Variants in SARS1 observed in about 807,000 individuals in gnomAD.
SARS1 encodes serine--tRNA ligase, cytoplasmic.
A neutral mutation model predicts 63.7 loss-of-function variants in SARS1; 25 were observed. The observed-to-expected ratio is 0.39, with a 90% CI of 0.29 to 0.55. SARS1 has a LOEUF of 0.55. Among genes scored for constraint, SARS1 ranks in the 20% least tolerant of loss-of-function variants. SARS1 has a pLI of 0.62. For synonymous variants in SARS1, 231 were observed against 243.5 expected (o/e 0.95, Z 0.48); for missense variants, 417 against 649.7 (o/e 0.64, Z 3.89).
Position 109,231,717 on chromosome 1 carries a change from C to A in SARS1, c.678C>A (p.Pro226=). ...GGGGCTACATTCCCATTTATACCCCCTTTTTCATGAGGAAGGAGGTCATGC... is the reference window on the plus strand; with the variant it reads ...GGGGCTACATTCCCATTTATACCCCATTTTTCATGAGGAAGGAGGTCATGC... ...GSRGYIPIYT[P]FFMRKEVMQE... is the part of the protein sequence containing the mutation. The change falls in exon 6 of 11, where the codon CCC becomes CCA. Residue 226 remains proline, a synonymous_variant. Coordinates refer to ENST00000234677, the MANE Select transcript of SARS1 (RefSeq NM_006513.4). 1 of 1,599,024 alleles carries A rather than the reference C, an allele frequency of 6.3e-7. No individual in the cohort carries two copies. The highest frequency in any genetic ancestry group is 8.5e-7 in the Non-Finnish European group (1 of 1,173,524).
At chr1:109,234,540 G>A (rs1655272252) in intron 6 of SARS1, among the ~76,000 whole-genome samples, 1 of 152,068 alleles carries the variant, frequency 6.6e-6, no homozygotes, top group African/African-American at 2.4e-5. Flanking sequence ...AGAGACTGGT[G>A]TCCCTTTTTG....
chr1:109,236,000 A>C lies in SARS1; in HGVS notation c.993A>C (p.Ser331=), dbSNP rs1655299279. 6.2e-7 allele frequency: 1 copy of C among 1,612,020 alleles called. No individual in the cohort carries two copies. The highest frequency in any genetic ancestry group is 8.5e-7 in the Non-Finnish European group (1 of 1,179,074). ...FEKIEQFVYS[S]PHDNKSWEMF... ...AGATTGAACAGTTTGTGTACTCATCACCCCATGACAACAAGTCATGGGAGA... is the reference window on the plus strand; with the variant it reads ...AGATTGAACAGTTTGTGTACTCATCCCCCCATGACAACAAGTCATGGGAGA... The change falls in exon 8 of 11, where the codon TCA becomes TCC. Residue 331 remains serine, a synonymous_variant. Transcript: ENST00000234677. This position sits in a 1 kb window ranked among gnomAD's most constrained non-coding sequence, Gnocchi z 4.7.
Position 109,235,183 on chromosome 1 carries a change from A to C in SARS1, c.748-27A>C. On this transcript the variant is annotated intron_variant, in intron 6 of 10. Transcript: ENST00000234677. This position sits in a 1 kb window ranked among gnomAD's most constrained non-coding sequence, Gnocchi z 4.7. ...GCCAAGGTCCTCCCCACTTCCTCTT[A>C]ACTGGTATAGCTCCTTCCTTCCACA... The C allele has an allele frequency of 6.3e-7, 1 of 1,574,826 alleles. No individual in the cohort carries two copies. Among genetic ancestry groups the C allele is most frequent in the Non-Finnish European group, 8.7e-7 (1 of 1,144,406 alleles).
chr1:109,228,436 A>T lies in SARS1; in HGVS notation c.288+4A>T. On this transcript the variant is annotated splice_donor_region_variant and intron_variant, in intron 3 of 10. Coordinates refer to ENST00000234677, the MANE Select transcript of SARS1 (RefSeq NM_006513.4). ...CCTTACTGCAGACGCTTTAGCTGTA[A>T]GTTATAGTTCTTTTCTAAGTTAGGA... The T allele has an allele frequency of 6.3e-7, 1 of 1,598,866 alleles. No individual in the cohort carries two copies. The highest frequency in any genetic ancestry group is 8.6e-7 in the Non-Finnish European group (1 of 1,166,962).
chr1:109,237,954 C>T lies in SARS1; in HGVS notation c.*66C>T. The T allele has an allele frequency of 1.3e-6, 2 of 1,570,504 alleles. No homozygotes were observed. Among genetic ancestry groups the T allele is most frequent in the Non-Finnish European group, 1.7e-6 (2 of 1,152,644 alleles). ...TGCTGAGATCTCAGAGCCTGCCCAA[C>T]AGCAGGGAAGCCAAGCACCCATTCA... On this transcript the variant is annotated 3_prime_UTR_variant, in exon 11 of 11. Transcript: ENST00000234677. This position sits in a 1 kb window ranked among gnomAD's most constrained non-coding sequence, Gnocchi z 4.1.
chr1:109,237,622 G>A lies in SARS1; in HGVS notation c.1388-109G>A. The A allele has an allele frequency of 7.8e-7, 1 of 1,274,214 alleles. No homozygotes were observed. Among genetic ancestry groups the A allele is most frequent in the Non-Finnish European group, 1.1e-6 (1 of 909,510 alleles). The allele number at this position is 1,274,214 out of a possible 1,614,324, so 78.9% of individuals were successfully genotyped here. A position where few individuals can be genotyped will look rare whatever the true frequency, so the allele number is the denominator to read the frequency against. ...TAAAGGAAACCAGTGCCTATCAAAG[G>A]GACCCCTCTGTTCAAAGGGATCATT... is the stretch of plus-strand genomic sequence containing the variant. On this transcript the variant is annotated intron_variant, in intron 10 of 10. Coordinates refer to ENST00000234677, the MANE Select transcript of SARS1 (RefSeq NM_006513.4). This position sits in a 1 kb window ranked among gnomAD's most constrained non-coding sequence, Gnocchi z 4.1.
Position 109,236,008 on chromosome 1 carries a change from A to G in SARS1, c.1001A>G (p.Asp334Gly). The part of the protein sequence containing the change: ...IEQFVYSSPH[D>G]NKSWEMFEEM... ...CAGTTTGTGTACTCATCACCCCATG[A>G]CAACAAGTCATGGGAGATGTTTGAA... The change falls in exon 8 of 11, where the codon GAC becomes GGC. Residue 334 changes from aspartate (D) to glycine (G), a missense_variant. By Grantham distance (94) the Asp-to-Gly change is moderately conservative. Transcript: ENST00000234677. 1 of 1,613,246 alleles carries G rather than the reference A, an allele frequency of 6.2e-7. No homozygotes were observed. Among genetic ancestry groups the G allele is most frequent in the South Asian group, 1.1e-5 (1 of 91,000 alleles).
Position 109,235,195 on chromosome 1 carries a change from T to G in SARS1, c.748-15T>G, listed in dbSNP as rs372709506. 328 of 1,604,070 alleles carry G rather than the reference T, an allele frequency of 2.0e-4. No homozygotes were observed. Among genetic ancestry groups the G allele is most frequent in the Middle Eastern group, 3.3e-4 (2 of 6,068 alleles). On this transcript the variant is annotated splice_polypyrimidine_tract_variant and intron_variant, in intron 6 of 10. Transcript: ENST00000234677. This position sits in a 1 kb window ranked among gnomAD's most constrained non-coding sequence, Gnocchi z 4.7. ...CCCACTTCCTCTTAACTGGTATAGC[T>G]CCTTCCTTCCACAGGTGATTGGCAA...
chr1:109,221,152 C>T (rs1168474300), intron 1 of SARS1, among the ~76,000 whole-genome samples: 1 of 151,894 alleles, frequency 6.6e-6, no homozygotes, highest in East Asian at 1.9e-4. Flanking sequence ...CCTCCACCTC[C>T]CAGGTTCAAG....
At chr1:109,233,098 C>T (rs1377930545) in intron 6 of SARS1, among the ~76,000 whole-genome samples, 1 of 152,144 alleles carries the variant, frequency 6.6e-6, no homozygotes, top group African/African-American at 2.4e-5. Context: ...CAACCATCAG[C>T]CATATGTGAC....
In SARS1 at chr1:109,238,113, G is replaced by T. The variant is rs565464763; in HGVS notation, c.*225G>T. The T allele has an allele frequency of 1.2e-4, 70 of 587,234 alleles. No individual in the cohort carries two copies. In the African/African-American group the frequency reaches 1.3e-3, roughly 11 times the overall value. The allele number at this position is 587,234 out of a possible 1,614,324, so 36.4% of individuals were successfully genotyped here. On this transcript the variant is annotated 3_prime_UTR_variant, in exon 11 of 11. Transcript: ENST00000234677. ...TGAAACCATGTAATAAAGCATCTCT[G>T]GGGAGGGCTTAGGACTCTTCCTCAG...
chr1:109,238,020 A>G lies in SARS1; in HGVS notation c.*132A>G. 1.0e-6 allele frequency: 1 copy of G among 961,228 alleles called. No homozygotes were observed. The highest frequency in any genetic ancestry group is 2.6e-5 in the East Asian group (1 of 38,144). 59.5% of individuals were successfully genotyped at this position (961,228 alleles called of 1,614,324 possible). ...CTGACTGCGTAGCTGAGAGGGGAAC[A>G]GTGCCATGTACCACACAGATGTTCC... is the stretch of plus-strand genomic sequence containing the variant. On this transcript the variant is annotated 3_prime_UTR_variant, in exon 11 of 11. Coordinates refer to ENST00000234677, the MANE Select transcript of SARS1 (RefSeq NM_006513.4).
intron 6 of SARS1, among the ~76,000 whole-genome samples, chr1:109,233,518 A>G (rs952903215): frequency 4.6e-5 from 7 of 152,036 alleles, no homozygotes; most frequent in Admixed American, 1.3e-4. Context: ...CTGCTACATA[A>G]CAAAATTTAG....
chr1:109,227,890 A>T (rs545848929), intron 2 of SARS1, among the ~76,000 whole-genome samples: 155 of 147,888 alleles, frequency 1.0e-3, no homozygotes, highest in Non-Finnish European at 2.0e-3. Flanking sequence ...ACTGTACTCT[A>T]GCCTGGGCGA....
chr1:109,233,844 C>T (rs4970832), intron 6 of SARS1, among the ~76,000 whole-genome samples: 31,097 of 146,650 alleles, frequency 0.21, 3,494 homozygotes, highest in South Asian at 0.29. Flanking sequence ...TTACAGGCGT[C>T]GCCACCACAC....
chr1:109,214,082 G>A lies in SARS1; in HGVS notation c.90G>A (p.Pro30=), dbSNP rs776895313. The A allele has an allele frequency of 1.2e-6, 2 of 1,614,006 alleles. No individual in the cohort carries two copies. Among genetic ancestry groups the A allele is most frequent in the Non-Finnish European group, 1.7e-6 (2 of 1,180,018 alleles). Residue 30 remains proline, a synonymous_variant, in exon 1 of 11, where the codon CCG becomes CCA. Coordinates refer to ENST00000234677, the MANE Select transcript of SARS1 (RefSeq NM_006513.4). This position sits in a 1 kb window ranked among gnomAD's most constrained non-coding sequence, Gnocchi z 4.6. ...RETQEKRFKD[P]GLVDQLVKAD... is the part of the protein sequence containing the mutation. ...CGCAGGAGAAGCGCTTCAAGGACCC[G>A]GGACTAGTGGACCAGCTGGTGAAGG...
chr1:109,228,501 G>A (rs1226901130), intron 3 of SARS1, 69 bp downstream of exon 3: 2 of 1,067,734 alleles, frequency 1.9e-6, no homozygotes, highest in Non-Finnish European at 2.9e-6. Context: ...TAGACAGCAA[G>A]TGCTCTCACT....
chr1:109,226,681 T>TATATATATATATACACAC (rs1323291405), intron 2 of SARS1, among the ~76,000 whole-genome samples: 2 of 36,232 alleles, frequency 5.5e-5, no homozygotes, highest in Non-Finnish European at 1.2e-4. Context: ...AAAAAAAATA[T>TATATATATATATACACAC]ATATATATAT....
intron 1 of SARS1, among the ~76,000 whole-genome samples, chr1:109,219,083 G>A (rs1253167640): frequency 2.0e-5 from 3 of 150,906 alleles, no homozygotes; most frequent in African/African-American, 4.9e-5. Flanking sequence ...TGGCTAACAC[G>A]GTGAAACCCC....
Sources: gnomAD v4.1 joint callset for allele counts (sites outside exome capture counted in the v4.1 genomes callset) on GRCh38, gnomAD v4.1.1 for gene constraint, Gnocchi (gnomAD v3.1) non-coding constraint, MANE v1.5 for transcripts, NCBI Gene and HGNC (gene_info 2026-07-23, HGNC 2026-07-21) for gene names.